Variants in ARHGEF3 observed in about 807,000 individuals in gnomAD.
ARHGEF3 encodes Rho guanine nucleotide exchange factor 3, also known as 59.8 kDA protein.
A neutral mutation model predicts 63.2 loss-of-function variants in ARHGEF3; 28 were observed. That is an observed-to-expected ratio of 0.44 (90% CI 0.33 to 0.61). The LOEUF (loss-of-function observed/expected upper bound fraction) is 0.61, where lower values mean the gene tolerates loss of function less well. ARHGEF3 is among the 20% of genes least tolerant of loss of function. The pLI is 0.03. For missense variants in ARHGEF3, 533 were observed against 659.3 expected (o/e 0.81, Z 2.10); for synonymous variants, 266 against 254.2 (o/e 1.05, Z -0.44).
intron 2 of ARHGEF3, among the ~76,000 whole-genome samples, chr3:56,765,572 T>C (rs1006560546): frequency 6.6e-6 from 1 of 152,150 alleles, no homozygotes; most frequent in Non-Finnish European, 1.5e-5. Flanking sequence ...CACATATGCT[T>C]GGGTAATTTC....
chr3:57,072,443 TAA>T (rs35145725), intron 1 of ARHGEF3, among the ~76,000 whole-genome samples: 2 of 144,766 alleles, frequency 1.4e-5, no homozygotes, highest in Admixed American at 6.9e-5. Flanking sequence ...AATAAAGAAT[TAA>T]AAAAAAAAAA....
intron 1 of ARHGEF3, among the ~76,000 whole-genome samples, chr3:57,041,300 GA>G (rs1304327162): frequency 6.6e-6 from 1 of 152,144 alleles, no homozygotes. Flanking sequence ...CCCACCCTAT[GA>G]AGCGGGCACT....
intron 2 of ARHGEF3, among the ~76,000 whole-genome samples, chr3:56,762,264 T>C (rs1254188627): frequency 6.6e-6 from 1 of 152,166 alleles, no homozygotes; most frequent in Admixed American, 6.5e-5. Flanking sequence ...GTGGGGATGC[T>C]GGGACCGGAG....
chr3:57,042,681 TATATATATATATATA>T (rs1259734868), intron 1 of ARHGEF3, among the ~76,000 whole-genome samples: 365 of 35,758 alleles, frequency 0.01, 29 homozygotes, highest in African/African-American at 0.014. Context: ...TATATATATA[TATATATATATATATA>T]TATATTTTTT....
At chr3:56,959,324 G>A (rs536583162) in intron 2 of ARHGEF3, among the ~76,000 whole-genome samples, 177 of 152,222 alleles carry the variant, frequency 1.2e-3, no homozygotes, top group African/African-American at 3.9e-3. Context: ...TTGAGCTCCA[G>A]GTTTTTAAAG....
chr3:56,812,329 C>T (rs770268054), intron 4 of ARHGEF3, among the ~76,000 whole-genome samples: 74 of 152,158 alleles, frequency 4.9e-4, no homozygotes, highest in Non-Finnish European at 9.1e-4. Flanking sequence ...CTTTGAGAAA[C>T]GGCTCCTACA....
At chr3:57,028,980 G>T (rs1220615693) in intron 2 of ARHGEF3, among the ~76,000 whole-genome samples, 1 of 142,146 alleles carries the variant, frequency 7.0e-6, no homozygotes. Flanking sequence ...TAATGGTGAA[G>T]ACACACACAC....
chr3:56,916,941 C>T (rs1405793786), intron 3 of ARHGEF3, among the ~76,000 whole-genome samples: 4 of 152,234 alleles, frequency 2.6e-5, no homozygotes, highest in Non-Finnish European at 5.9e-5. Context: ...CTGGCATCTT[C>T]TCTTCAGAGC....
chr3:56,977,528 A>T (rs1701171594), intron 2 of ARHGEF3, among the ~76,000 whole-genome samples: 1 of 152,138 alleles, frequency 6.6e-6, no homozygotes, highest in Non-Finnish European at 1.5e-5. Context: ...CCTGCCCCCA[A>T]CTTGCTCAAA....
chr3:56,822,140 G>A (rs1353411989), intron 4 of ARHGEF3, among the ~76,000 whole-genome samples: 1 of 152,144 alleles, frequency 6.6e-6, no homozygotes, highest in East Asian at 1.9e-4. Flanking sequence ...TAAGTATGAA[G>A]AATACACTAT....
At chr3:56,762,787 C>T (rs1473532708) in intron 2 of ARHGEF3, among the ~76,000 whole-genome samples, 1 of 152,118 alleles carries the variant, frequency 6.6e-6, no homozygotes, top group Non-Finnish European at 1.5e-5. Flanking sequence ...CCTATGTTGC[C>T]ACTGCGGTGG....
chr3:56,969,574 C>G (rs188460719), intron 2 of ARHGEF3, among the ~76,000 whole-genome samples: 116 of 151,876 alleles, frequency 7.6e-4, no homozygotes, highest in African/African-American at 2.7e-3. Context: ...AGATCAAGAC[C>G]ATCCTGGCCA....
chr3:56,970,737 T>C (rs1397421888), intron 2 of ARHGEF3, among the ~76,000 whole-genome samples: 1 of 152,210 alleles, frequency 6.6e-6, no homozygotes, highest in East Asian at 1.9e-4. Context: ...GCGTGCAATC[T>C]CCCAGAAGGA....
At chr3:56,931,575 CAAAAAAA>C (rs10596928) in intron 3 of ARHGEF3, among the ~76,000 whole-genome samples, 37 of 58,930 alleles carry the variant, frequency 6.3e-4, no homozygotes, top group African/African-American at 2.5e-3. Flanking sequence ...GATCCTGTCT[CAAAAAAA>C]AAAAAAAAAA....
chr3:56,799,416 A>G (rs2037532318), intron 1 of ARHGEF3, among the ~76,000 whole-genome samples: 1 of 152,200 alleles, frequency 6.6e-6, no homozygotes, highest in African/African-American at 2.4e-5. Flanking sequence ...GAAGGTCAAC[A>G]AGTCCTGTTT....
intron 4 of ARHGEF3, among the ~76,000 whole-genome samples, chr3:56,752,655 T>G (rs548129502): frequency 6.6e-6 from 1 of 152,344 alleles, no homozygotes; most frequent in South Asian, 2.1e-4. Flanking sequence ...TGAAGGTGCT[T>G]GAGTTTGGCA....
intron 2 of ARHGEF3, among the ~76,000 whole-genome samples, chr3:56,984,285 G>A (rs1701449633): frequency 6.6e-6 from 1 of 152,158 alleles, no homozygotes; most frequent in Non-Finnish European, 1.5e-5. Flanking sequence ...CTATATAGCA[G>A]TAACTCCCCA....
At chr3:56,987,814 G>C (rs1701602511) in intron 2 of ARHGEF3, among the ~76,000 whole-genome samples, 1 of 152,212 alleles carries the variant, frequency 6.6e-6, no homozygotes, top group Non-Finnish European at 1.5e-5. Flanking sequence ...TATGCTCTCT[G>C]AGGGCTGGCT....
chr3:56,761,972 C>A (rs1220596211), intron 2 of ARHGEF3, among the ~76,000 whole-genome samples: 1 of 152,180 alleles, frequency 6.6e-6, no homozygotes, highest in Admixed American at 6.5e-5. Flanking sequence ...GAAAGTTTCT[C>A]AACCTGGCCA....
Sources: gnomAD v4.1 joint callset for allele counts (sites outside exome capture counted in the v4.1 genomes callset) on GRCh38, gnomAD v4.1.1 for gene constraint, MANE v1.5 for transcripts, NCBI Gene and HGNC (gene_info 2026-07-23, HGNC 2026-07-21) for gene names.